Variants in GPC5 observed in about 807,000 individuals in gnomAD.
The protein encoded by GPC5 is glypican 5.
Under a neutral mutation model 53.9 loss-of-function variants are expected in GPC5, and 47 were observed. The observed-to-expected ratio is 0.87, with a 90% CI of 0.69 to 1.11. GPC5 has a LOEUF of 1.11. Ranked by LOEUF, GPC5 falls within the 50% of genes most tolerant of loss-of-function variation. GPC5 has a pLI of 0.00. For missense variants in GPC5, 748 were observed against 713.1 expected (o/e 1.05, Z -0.56); for synonymous variants, 286 against 263.3 (o/e 1.09, Z -0.84).
intron 5 of GPC5, among the ~76,000 whole-genome samples, chr13:91,848,391 G>A (rs1446486166): frequency 6.6e-6 from 1 of 152,148 alleles, no homozygotes; most frequent in African/African-American, 2.4e-5. Context: ...AATGTAAGTC[G>A]GCTTAATCCT....
chr13:91,417,939 A>G lies in GPC5; in HGVS notation c.163+18730A>G, dbSNP rs527600181. Among the ~76,000 whole-genome samples the G allele has an allele frequency of 2.6e-5, 4 of 152,138 alleles. No homozygotes were observed. In the South Asian group the frequency reaches 8.3e-4, roughly 32 times the overall value. ...TCTGAGGTTTCAGTTACCCATGATC[A>G]ACTGTGGTCCAAAAATATGAAAGGG... On this transcript the variant is annotated intron_variant, in intron 1 of 7. Coordinates refer to ENST00000377067, the MANE Select transcript of GPC5 (RefSeq NM_004466.6).
At chr13:92,283,017 C>T (rs1046691875) in intron 7 of GPC5, among the ~76,000 whole-genome samples, 1 of 152,186 alleles carries the variant, frequency 6.6e-6, no homozygotes, top group Admixed American at 6.5e-5. Context: ...TGCAGAGACA[C>T]ACATAGGCTC....
chr13:92,487,777 A>G (rs1257848765), intron 7 of GPC5, among the ~76,000 whole-genome samples: 1 of 151,562 alleles, frequency 6.6e-6, no homozygotes, highest in Non-Finnish European at 1.5e-5. Flanking sequence ...AAACATCTCT[A>G]TACTTTGATG....
At chr13:92,497,496 G>A (rs1880020661) in intron 7 of GPC5, among the ~76,000 whole-genome samples, 1 of 152,088 alleles carries the variant, frequency 6.6e-6, no homozygotes, top group South Asian at 2.1e-4. Flanking sequence ...ATGTTGTTTT[G>A]GTTACTGCAG....
At chr13:92,366,993 C>T (rs572580045) in intron 7 of GPC5, among the ~76,000 whole-genome samples, 1 of 152,112 alleles carries the variant, frequency 6.6e-6, no homozygotes, top group Non-Finnish European at 1.5e-5. Flanking sequence ...TTCTTCAAAG[C>T]ATAGTTTGAA....
chr13:92,326,257 A>G (rs1167865226), intron 7 of GPC5, among the ~76,000 whole-genome samples: 4 of 152,120 alleles, frequency 2.6e-5, no homozygotes, highest in Non-Finnish European at 5.9e-5. Flanking sequence ...TCCTGCAACT[A>G]TGATAAAAAT....
chr13:91,593,991 G>A (rs1035356149), intron 2 of GPC5, among the ~76,000 whole-genome samples: 28 of 151,396 alleles, frequency 1.8e-4, no homozygotes, highest in Admixed American at 1.8e-3. Context: ...TTCTTATTTG[G>A]GAAAGAGTTT....
chr13:92,413,461 G>A (rs528279171), intron 7 of GPC5, among the ~76,000 whole-genome samples: 1 of 152,310 alleles, frequency 6.6e-6, no homozygotes, highest in African/African-American at 2.4e-5. Flanking sequence ...TAAGAACAAT[G>A]TGTACACTTG....
intron 6 of GPC5, among the ~76,000 whole-genome samples, chr13:92,011,210 A>G (rs1203785532): frequency 6.6e-6 from 1 of 152,210 alleles, no homozygotes; most frequent in Non-Finnish European, 1.5e-5. Context: ...AGGATTCATT[A>G]AGGAGTAGTT....
intron 7 of GPC5, among the ~76,000 whole-genome samples, chr13:92,679,069 A>T (rs1887037137): frequency 6.6e-6 from 1 of 152,180 alleles, no homozygotes; most frequent in Non-Finnish European, 1.5e-5. Context: ...AAACCAGTAG[A>T]GATGTTAGAT....
At chr13:92,226,033 C>T (rs948757248) in intron 7 of GPC5, among the ~76,000 whole-genome samples, 14 of 152,068 alleles carry the variant, frequency 9.2e-5, no homozygotes, top group African/African-American at 2.9e-4. Context: ...GTGGATTTCC[C>T]CTTGCTGTTA....
chr13:92,546,398 G>T (rs1238408780), intron 7 of GPC5, among the ~76,000 whole-genome samples: 1 of 152,066 alleles, frequency 6.6e-6, no homozygotes, highest in Non-Finnish European at 1.5e-5. Context: ...GCCAAATCAT[G>T]AGTGAACTCC....
chr13:92,427,675 C>G (rs182235659), intron 7 of GPC5, among the ~76,000 whole-genome samples: 1 of 151,902 alleles, frequency 6.6e-6, no homozygotes, highest in African/African-American at 2.4e-5. Flanking sequence ...TTTATTTTTC[C>G]GATGATTCCA....
chr13:91,791,734 G>A (rs2037968257), intron 5 of GPC5, among the ~76,000 whole-genome samples: 1 of 152,132 alleles, frequency 6.6e-6, no homozygotes. Flanking sequence ...AAACAGGAGA[G>A]GTCCAGCATC....
intron 1 of GPC5, among the ~76,000 whole-genome samples, chr13:91,400,918 A>T (rs1876898461): frequency 6.6e-6 from 1 of 152,202 alleles, no homozygotes; most frequent in Non-Finnish European, 1.5e-5. Flanking sequence ...TTTGCATTTG[A>T]TACACATGAC....
chr13:91,639,419 T>C (rs1242280457), intron 2 of GPC5, among the ~76,000 whole-genome samples: 1 of 152,234 alleles, frequency 6.6e-6, no homozygotes, highest in Non-Finnish European at 1.5e-5. Context: ...ACTTTGTTAT[T>C]TCTAAAGAAA....
At chr13:91,903,750 C>G (rs543419083) in intron 5 of GPC5, among the ~76,000 whole-genome samples, 2 of 152,044 alleles carry the variant, frequency 1.3e-5, no homozygotes, top group East Asian at 1.9e-4. Context: ...TTTTTATCAG[C>G]TATAATTATA....
chr13:91,626,747 G>C (rs936884546), intron 2 of GPC5, among the ~76,000 whole-genome samples: 5 of 151,962 alleles, frequency 3.3e-5, no homozygotes, highest in African/African-American at 1.2e-4. Flanking sequence ...GTAAACATGT[G>C]ACACGTTGGT....
In GPC5 at chr13:91,438,944, G is replaced by C. The variant is rs192570859; in HGVS notation, c.164-9817G>C. ...TAACAATGAGTGAGGCTCCGTGGGC[G>C]TAGGACCCTCCGAGCCAGGTGCGGG... On this transcript the variant is annotated intron_variant, in intron 1 of 7. Coordinates refer to ENST00000377067, the MANE Select transcript of GPC5 (RefSeq NM_004466.6). Among the ~76,000 whole-genome samples the C allele has an allele frequency of 3.1e-3, 479 of 152,356 alleles. 2 individuals carry two copies. The highest frequency in any genetic ancestry group is 6.0e-3 in the Non-Finnish European group (405 of 68,032).
Sources: gnomAD v4.1 joint callset for allele counts (sites outside exome capture counted in the v4.1 genomes callset) on GRCh38, gnomAD v4.1.1 for gene constraint, MANE v1.5 for transcripts, NCBI Gene and HGNC (gene_info 2026-07-23, HGNC 2026-07-21) for gene names.